The following ATXN7 variants were observed in gnomAD, a reference collection of about 807,000 sequenced individuals.
The protein encoded by ATXN7 is ataxin-7.
ATXN7 carries 12 observed loss-of-function variants against 70.5 expected under a neutral mutation model. That is an observed-to-expected ratio of 0.17 (90% confidence interval 0.11 to 0.28). The LOEUF is 0.28. Ranked by LOEUF, ATXN7 falls within the 10% of genes least tolerant of loss-of-function variation. The probability of loss-of-function intolerance (pLI) is 1.00; values close to 1 mark genes in which losing one functional copy is unlikely to be tolerated. For synonymous variants in ATXN7, 498 were observed against 448.7 expected (o/e 1.11, Z -1.39); for missense variants, 1,256 against 1,131.7 (o/e 1.11, Z -1.58).
rs1370367295 is a variant in ATXN7, at chr3:63,999,672, C to G, written c.*205C>G. 2 of 890,500 alleles carry G rather than the reference C, an allele frequency of 2.2e-6. No individual in the cohort carries two copies. Among genetic ancestry groups the G allele is most frequent in the African/African-American group, 1.7e-5 (1 of 59,904 alleles). 55.2% of individuals were successfully genotyped at this position (890,500 alleles called of 1,614,324 possible). ...TAGCAGTGAGTACTCATAAAGGACA[C>G]TGGATCAAGTTCAGCCACCGAATTG... On this transcript the variant is annotated 3_prime_UTR_variant, in exon 13 of 13. Transcript: ENST00000674280.
intron 1 of ATXN7, among the ~76,000 whole-genome samples, chr3:63,872,995 T>G (rs1199869651): frequency 6.6e-6 from 1 of 151,938 alleles, no homozygotes; most frequent in South Asian, 2.1e-4. Context: ...ACTAAAGAAC[T>G]TGCATGGGGG....
chr3:63,928,613 T>C (rs1050279526), intron 4 of ATXN7, among the ~76,000 whole-genome samples: 1 of 152,182 alleles, frequency 6.6e-6, no homozygotes, highest in Non-Finnish European at 1.5e-5. Flanking sequence ...CAGGTATTTA[T>C]ATTATCCCCG....
intron 4 of ATXN7, among the ~76,000 whole-genome samples, chr3:63,940,374 A>G (rs889254486): frequency 2.0e-4 from 30 of 152,182 alleles, no homozygotes; most frequent in African/African-American, 7.0e-4. Context: ...TAAATGCTAC[A>G]TTAACCATTT....
rs1702850318 is a variant in ATXN7 at position 63,879,683 on chromosome 3, G to A, written c.-111+15525G>A. The stretch of plus-strand genomic sequence containing the variant: ...ATGTTTGTATTTTTAGTAGAGACGG[G>A]GTTTCACTATGTTGGCCAAGCTAGT... On this transcript the variant is annotated intron_variant, in intron 1 of 12. Transcript: ENST00000674280. Among the ~76,000 whole-genome samples, 4 of 151,722 alleles carry A rather than the reference G, an allele frequency of 2.6e-5. 1 individual carries two copies. The highest frequency in any genetic ancestry group is 2.6e-4 in the Admixed American group (4 of 15,234).
At chr3:63,967,482 C>T (rs542396841) in intron 5 of ATXN7, among the ~76,000 whole-genome samples, 46 of 152,068 alleles carry the variant, frequency 3.0e-4, no homozygotes, top group African/African-American at 1.0e-3. Context: ...AACTTTAAGA[C>T]CTTTAGGTCT....
intron 5 of ATXN7, among the ~76,000 whole-genome samples, chr3:63,953,362 G>A (rs2074987678): frequency 6.6e-6 from 1 of 152,146 alleles, no homozygotes; most frequent in Admixed American, 6.6e-5. Context: ...GCACACAGAA[G>A]GCCCGTGTGG....
intron 5 of ATXN7, among the ~76,000 whole-genome samples, chr3:63,952,866 T>TTTTTTTTTGG (rs2074979016): frequency 7.1e-6 from 1 of 141,142 alleles, no homozygotes; most frequent in Non-Finnish European, 1.5e-5. Flanking sequence ...TTTTTTTTTT[T>TTTTTTTTTGG]AAGGAAATGT....
At chr3:63,992,211 G>A (rs576601406) in intron 11 of ATXN7, among the ~76,000 whole-genome samples, 1 of 152,310 alleles carries the variant, frequency 6.6e-6, no homozygotes, top group African/African-American at 2.4e-5. Flanking sequence ...CCATCTCCAT[G>A]ATCATTAGCA....
At chr3:63,920,601 A>G (rs931616523) in intron 4 of ATXN7, among the ~76,000 whole-genome samples, 4 of 152,170 alleles carry the variant, frequency 2.6e-5, no homozygotes, top group Admixed American at 2.0e-4. Flanking sequence ...TTTTTTAAGT[A>G]AAAATATCAG....
intron 4 of ATXN7, among the ~76,000 whole-genome samples, chr3:63,915,044 TC>T (rs1410930174): frequency 6.6e-6 from 1 of 151,704 alleles, no homozygotes; most frequent in African/African-American, 2.4e-5. Context: ...CAAGCGATTC[TC>T]CTGCCTCAGC....
At chr3:63,967,702 G>A in intron 5 of ATXN7, 3 of 1,149,232 alleles carry the variant, frequency 2.6e-6, no homozygotes, top group Non-Finnish European at 2.3e-6. Context: ...CAGCCAGGAC[G>A]CCTTGTATGA....
chr3:63,963,684 T>C (rs960816052), intron 5 of ATXN7, among the ~76,000 whole-genome samples: 1 of 152,190 alleles, frequency 6.6e-6, no homozygotes, highest in Non-Finnish European at 1.5e-5. Flanking sequence ...TGGATAACAC[T>C]AATCCCCTCT....
rs147424005 is a variant in ATXN7 at position 63,939,212 on chromosome 3, T to C, written c.395-13167T>C. Among the ~76,000 whole-genome samples the C allele has an allele frequency of 3.1e-3, 467 of 152,288 alleles. 5 individuals are homozygous for C. Among genetic ancestry groups the C allele is most frequent in the Middle Eastern group, 0.014 (4 of 294 alleles). On this transcript the variant is annotated intron_variant, in intron 4 of 12. Transcript: ENST00000674280. The stretch of plus-strand genomic sequence containing the variant: ...CTTTCTCAGAGACTGATACCTCTTA[T>C]CCATCCATCCTGTTCTGTAAGATGG...
intron 2 of ATXN7, 34 bp from the exon 3 acceptor site, chr3:63,912,554 C>T (rs1395501523): frequency 3.6e-6 from 4 of 1,104,736 alleles, no homozygotes; most frequent in Non-Finnish European, 3.4e-6. Flanking sequence ...GGCCCCCGCG[C>T]GACTCTTTCC....
At chr3:63,952,187 C>T (rs2074966105) in intron 4 of ATXN7, among the ~76,000 whole-genome samples, 192 bp from the exon 5 acceptor site, 1 of 152,212 alleles carries the variant, frequency 6.6e-6, no homozygotes, top group African/African-American at 2.4e-5. Context: ...TTTTGGTGCA[C>T]TTTAACCCTT....
chr3:63,893,027 A>T (rs1703334168), intron 1 of ATXN7, among the ~76,000 whole-genome samples: 1 of 152,120 alleles, frequency 6.6e-6, no homozygotes, highest in African/African-American at 2.4e-5. Context: ...CTCAACTCTA[A>T]CATGCACTAC....
chr3:63,958,887 A>G (rs1056886555), intron 5 of ATXN7, among the ~76,000 whole-genome samples: 2 of 152,166 alleles, frequency 1.3e-5, no homozygotes, highest in Non-Finnish European at 2.9e-5. Context: ...ACCTACTAAC[A>G]TTGATTTATT....
At chr3:63,944,175 G>T (rs1048925408) in intron 4 of ATXN7, among the ~76,000 whole-genome samples, 9 of 152,052 alleles carry the variant, frequency 5.9e-5, no homozygotes, top group Admixed American at 1.3e-4. Context: ...TATCTGCGGG[G>T]GATACTTTCC....
chr3:63,950,605 C>A (rs7629586), intron 4 of ATXN7, among the ~76,000 whole-genome samples: 1 of 152,180 alleles, frequency 6.6e-6, no homozygotes, highest in Non-Finnish European at 1.5e-5. Context: ...ATGGAACTTA[C>A]GGTAAATGAC....
Sources: gnomAD v4.1 joint callset for allele counts (sites outside exome capture counted in the v4.1 genomes callset) on GRCh38, gnomAD v4.1.1 for gene constraint, MANE v1.5 for transcripts, NCBI Gene and HGNC (gene_info 2026-07-23, HGNC 2026-07-21) for gene names.